TMEM266: variants seen among roughly 807,000 people sequenced by gnomAD.
TMEM266 encodes the protein transmembrane protein 266.
Under a neutral mutation model 50.5 loss-of-function variants are expected in TMEM266, and 33 were observed. The observed-to-expected ratio is 0.65, with a 90% CI of 0.50 to 0.87. The LOEUF (loss-of-function observed/expected upper bound fraction) is 0.87. TMEM266 is among the 40% of genes least tolerant of loss of function. The pLI is 0.00. For missense variants in TMEM266, 655 were observed against 695.1 expected, an observed-to-expected ratio of 0.94 and a Z score of 0.65; for synonymous variants, 310 against 292.3, an observed-to-expected ratio of 1.06 and a Z score of -0.62.
intron 1 of TMEM266, among the ~76,000 whole-genome samples, chr15:76,107,651 C>T (rs372796565): frequency 1.3e-5 from 2 of 152,156 alleles, no homozygotes; most frequent in South Asian, 2.1e-4. Context: ...CAACGTGTAG[C>T]TCCATAAATA....
intron 1 of TMEM266, among the ~76,000 whole-genome samples, chr15:76,068,539 G>C (rs1401649327): frequency 6.6e-6 from 1 of 152,210 alleles, no homozygotes; most frequent in South Asian, 2.1e-4. Flanking sequence ...AGGAGATAGG[G>C]TCTTTAGGAG....
chr15:76,092,084 A>AT (rs1451358364), intron 1 of TMEM266, among the ~76,000 whole-genome samples: 2 of 152,086 alleles, frequency 1.3e-5, no homozygotes, highest in Non-Finnish European at 2.9e-5. Context: ...GTTGAGCGAT[A>AT]TGATAGAGTA....
At chr15:76,198,089 C>T (rs958156329) in intron 9 of TMEM266, among the ~76,000 whole-genome samples, 1 of 152,200 alleles carries the variant, frequency 6.6e-6, no homozygotes, top group Admixed American at 6.5e-5. Flanking sequence ...AGGGATGGCC[C>T]TGGGCTAAAC....
chr15:76,182,472 T>TA (rs201138789), intron 8 of TMEM266, among the ~76,000 whole-genome samples: 170 of 150,734 alleles, frequency 1.1e-3, no homozygotes, highest in Middle Eastern at 0.01. Flanking sequence ...CCGTCTCTAC[T>TA]AAAAAAAAAT....
chr15:76,185,488 C>G (rs1440863816), intron 8 of TMEM266, among the ~76,000 whole-genome samples: 1 of 152,216 alleles, frequency 6.6e-6, no homozygotes, highest in Non-Finnish European at 1.5e-5. Flanking sequence ...TTTATAGAGT[C>G]TAACTCTCTG....
rs1016830181 is a variant in TMEM266, at chr15:76,153,291, C to A, written c.228-3313C>A. Among the ~76,000 whole-genome samples, 1 of 152,166 alleles carries A rather than the reference C, an allele frequency of 6.6e-6. No homozygotes were observed. Among genetic ancestry groups the A allele is most frequent in the African/African-American group, 2.4e-5 (1 of 41,422 alleles). On this transcript the variant is annotated intron_variant, in intron 3 of 10. Transcript: ENST00000388942. This position sits in a 1 kb window ranked among gnomAD's most constrained non-coding sequence, Gnocchi z 4.2. ...ACAATGCTTCGTTTCATTCCCTACTCCCTTCAGGACCCTCCTCTGGGGTAG... is the reference window on the plus strand; with the variant it reads ...ACAATGCTTCGTTTCATTCCCTACTACCTTCAGGACCCTCCTCTGGGGTAG...
rs2038809034 is a variant in TMEM266, at chr15:76,204,621, C to G, written c.*306C>G. ...TTCAGCAGGGTAGAGTGTGGGGGGGCCAGCTCAGCCTCTTGCGTTGCCTTC... is the reference window on the plus strand; with the variant it reads ...TTCAGCAGGGTAGAGTGTGGGGGGGGCAGCTCAGCCTCTTGCGTTGCCTTC... On this transcript the variant is annotated 3_prime_UTR_variant, in exon 11 of 11. Coordinates refer to ENST00000388942, the MANE Select transcript of TMEM266 (RefSeq NM_152335.3). 1.3e-5 allele frequency: 3 copies of G among 237,802 alleles called. No homozygotes were observed. The highest frequency in any genetic ancestry group is 6.8e-5 in the African/African-American group (3 of 44,390). 14.7% of individuals were successfully genotyped at this position (237,802 alleles called of 1,614,324 possible).
chr15:76,194,371 C>A (rs2038624869), intron 9 of TMEM266, among the ~76,000 whole-genome samples: 1 of 152,228 alleles, frequency 6.6e-6, no homozygotes, highest in Admixed American at 6.5e-5. Context: ...CAGCTCCCTG[C>A]CCTCTGCAGT....
chr15:76,191,994 C>A lies in TMEM266; in HGVS notation c.795C>A (p.His265Gln). The A allele has an allele frequency of 6.3e-7, 1 of 1,584,062 alleles. No homozygotes were observed. The highest frequency in any genetic ancestry group is 2.4e-5 in the East Asian group (1 of 41,244). ...TTGAGATCCGGCAGCTGCGCGCGCA[C>A]CTGGCGCAGCAGGACCTGGACCTGG... The change falls in exon 9 of 11, where the codon CAC becomes CAA. Residue 265 changes from histidine to glutamine, a missense_variant. Physicochemically the swap from His to Gln is conservative, Grantham distance 24. Coordinates refer to ENST00000388942, the MANE Select transcript of TMEM266 (RefSeq NM_152335.3).
At chr15:76,157,054 C>T (rs2037938793) in intron 4 of TMEM266, among the ~76,000 whole-genome samples, 1 of 152,070 alleles carries the variant, frequency 6.6e-6, no homozygotes, top group South Asian at 2.1e-4. Context: ...TTGGGGACCC[C>T]TGTATGCATT....
At chr15:76,123,915 G>A (rs535623089) in intron 1 of TMEM266, among the ~76,000 whole-genome samples, 1 of 152,318 alleles carries the variant, frequency 6.6e-6, no homozygotes, top group African/African-American at 2.4e-5. Context: ...GTTTCGCCAT[G>A]TCGGCCAGGC....
intron 3 of TMEM266, among the ~76,000 whole-genome samples, chr15:76,151,134 G>A (rs2037836942): frequency 6.6e-6 from 1 of 152,148 alleles, no homozygotes; most frequent in African/African-American, 2.4e-5. Flanking sequence ...CTGCCCTCTC[G>A]TGGCAATTCT....
Position 76,082,829 on chromosome 15 carries a change from C to T in TMEM266, c.-97+22813C>T, listed in dbSNP as rs150431224. 6.7e-3 allele frequency among the ~76,000 whole-genome samples: 1,026 copies of T among 152,184 alleles called. 16 individuals are homozygous for T. Among genetic ancestry groups the T allele is most frequent in the African/African-American group, 0.023 (949 of 41,510 alleles). On this transcript the variant is annotated intron_variant, in intron 1 of 10. Coordinates refer to ENST00000388942, the MANE Select transcript of TMEM266 (RefSeq NM_152335.3). ...ACTAAAAATACAAAAATTAGCTAGGCGTGGTGGCCAGCGCCTGTAATCCCA... is the reference window on the plus strand; with the variant it reads ...ACTAAAAATACAAAAATTAGCTAGGTGTGGTGGCCAGCGCCTGTAATCCCA...
At chr15:76,127,115 A>G (rs2037435490) in intron 1 of TMEM266, among the ~76,000 whole-genome samples, 1 of 152,174 alleles carries the variant, frequency 6.6e-6, no homozygotes, top group African/African-American at 2.4e-5. Context: ...TCTCATTACT[A>G]CCAAACAAAA....
intron 3 of TMEM266, among the ~76,000 whole-genome samples, chr15:76,152,771 A>C (rs1029503902): frequency 6.6e-6 from 1 of 152,096 alleles, no homozygotes; most frequent in Non-Finnish European, 1.5e-5. Flanking sequence ...TCCCTCCACC[A>C]GCTCTGCGTG....
intron 1 of TMEM266, among the ~76,000 whole-genome samples, chr15:76,121,599 T>C (rs113886767): frequency 0.025 from 3,814 of 152,170 alleles, 162 homozygotes; most frequent in African/African-American, 0.087. Context: ...GTATTTTTAG[T>C]AGAGGTGGGG....
chr15:76,090,067 T>C (rs1278542311), intron 1 of TMEM266, among the ~76,000 whole-genome samples: 1 of 152,176 alleles, frequency 6.6e-6, no homozygotes. Context: ...GTGTGTGACA[T>C]TTAGTGCTTT....
At chr15:76,159,674 G>A (rs2037985600) in intron 4 of TMEM266, among the ~76,000 whole-genome samples, 2 of 152,156 alleles carry the variant, frequency 1.3e-5, no homozygotes. Context: ...CTTTGGGGGT[G>A]AGCTGTGGGC....
At chr15:76,122,070 G>A (rs1016172909) in intron 1 of TMEM266, among the ~76,000 whole-genome samples, 2 of 152,260 alleles carry the variant, frequency 1.3e-5, no homozygotes, top group African/African-American at 4.8e-5. Flanking sequence ...TTTAGGCTAG[G>A]CACAGCTGGG....
Sources: gnomAD v4.1 joint callset for allele counts (sites outside exome capture counted in the v4.1 genomes callset) on GRCh38, gnomAD v4.1.1 for gene constraint, Gnocchi (gnomAD v3.1) non-coding constraint, MANE v1.5 for transcripts, NCBI Gene and HGNC (gene_info 2026-07-23, HGNC 2026-07-21) for gene names.